RAB24: variants seen among roughly 807,000 people sequenced by gnomAD.
RAB24 encodes the protein RAB24, member RAS oncogene family.
In RAB24, 9 loss-of-function variants were observed where a neutral mutation model predicts 31.4. The ratio of observed to expected loss-of-function variants is 0.29; its 90% CI spans 0.17 to 0.50. RAB24 has a LOEUF of 0.50. RAB24 is among the 20% of genes least tolerant of loss of function. The probability of loss-of-function intolerance (pLI) is 0.98; values close to 1 mark genes in which losing one functional copy is unlikely to be tolerated. For synonymous variants in RAB24, 106 were observed against 94.1 expected, an observed-to-expected ratio of 1.13 and a Z score of -0.73; for missense variants, 197 against 265.2, an observed-to-expected ratio of 0.74 and a Z score of 1.79.
chr5:177,303,002 G>T lies in RAB24; in HGVS notation c.186+7C>A, dbSNP rs1025200826. 2 of 1,613,798 alleles carry T rather than the reference G, an allele frequency of 1.2e-6. No individual in the cohort carries two copies. The highest frequency in any genetic ancestry group is 1.6e-4 in the Middle Eastern group (1 of 6,084). Reference sequence around the variant, plus strand: ...GTCTCCCAAGAATAGATGGCCGGGGGACTTACCCAAATACCTAATGTCACA... The same window carrying T: ...GTCTCCCAAGAATAGATGGCCGGGGTACTTACCCAAATACCTAATGTCACA... On this transcript the variant is annotated splice_region_variant and intron_variant, in intron 2 of 7. Coordinates refer to ENST00000303251, the MANE Select transcript of RAB24 (RefSeq NM_001031677.4). This position sits in a 1 kb window ranked among gnomAD's most constrained non-coding sequence, Gnocchi z 6.1.
chr5:177,301,658 A>G lies in RAB24; in HGVS notation c.*85T>C. Reference sequence around the variant, plus strand: ...CATGAGGACCTGGGGTAGCTCAGACATTTGACTACCCAAGCCCAGAAAGGA... The same window carrying G: ...CATGAGGACCTGGGGTAGCTCAGACGTTTGACTACCCAAGCCCAGAAAGGA... On this transcript the variant is annotated 3_prime_UTR_variant, in exon 8 of 8. Transcript: ENST00000303251. The G allele has an allele frequency of 6.7e-7, 1 of 1,499,452 alleles. No individual in the cohort carries two copies. The allele number at this position is 1,499,452 out of a possible 1,614,324, so 92.9% of individuals were successfully genotyped here.
At chr5:177,302,215 A>T (rs566101075) in intron 5 of RAB24, 37 bp from the exon 6 acceptor site, 3 of 1,609,676 alleles carry the variant, frequency 1.9e-6, no homozygotes, top group African/African-American at 2.7e-5. Context: ...ATACCTGAGA[A>T]TTAGATAAAC....
chr5:177,303,159 C>T lies in RAB24; in HGVS notation c.117+13G>A, dbSNP rs1244373763. ...CCCCGCCCACCGTGCCTGGCCCCTCCGGATGCACTCACGTTCTGATAAGGC... is the reference window on the plus strand; with the variant it reads ...CCCCGCCCACCGTGCCTGGCCCCTCTGGATGCACTCACGTTCTGATAAGGC... On this transcript the variant is annotated intron_variant, in intron 1 of 7. Transcript: ENST00000303251. This position sits in a 1 kb window ranked among gnomAD's most constrained non-coding sequence, Gnocchi z 6.1. The T allele has an allele frequency of 6.2e-7, 1 of 1,613,590 alleles. No homozygotes were observed. Among genetic ancestry groups the T allele is most frequent in the Non-Finnish European group, 8.5e-7 (1 of 1,179,914 alleles).
chr5:177,302,162 G>T lies in RAB24; in HGVS notation c.450C>A (p.Leu150=), dbSNP rs763501031. ...QDYADNIKAQ[L]FETSSKTGQS... ...GGCCTGTCTTGCTGGATGTTTCAAA[G>T]AGCTGAGCTTTGATATCTGTAAAGA... The change falls in exon 6 of 8, where the codon CTC becomes CTA. Residue 150 remains leucine, a synonymous_variant. Coordinates refer to ENST00000303251, the MANE Select transcript of RAB24 (RefSeq NM_001031677.4). 3 of 1,614,208 alleles carry T rather than the reference G, an allele frequency of 1.9e-6. No individual in the cohort carries two copies. The South Asian group carries it at 3.3e-5, about 18-fold the overall frequency.
intron 5 of RAB24, 98 bp from the exon 6 acceptor site, chr5:177,302,276 C>T: frequency 1.3e-6 from 2 of 1,563,588 alleles, no homozygotes; most frequent in Non-Finnish European, 1.8e-6. Flanking sequence ...CCCCACAGTT[C>T]AAGGAGGCCA....
chr5:177,301,700 A>T lies in RAB24; in HGVS notation c.*43T>A. ...CAGAAAGGAGCTGGGTCCAGCCCTTACGGGGAATTCCTTTAATTCCCCCAG... is the reference window on the plus strand; with the variant it reads ...CAGAAAGGAGCTGGGTCCAGCCCTTTCGGGGAATTCCTTTAATTCCCCCAG... On this transcript the variant is annotated 3_prime_UTR_variant, in exon 8 of 8. Transcript: ENST00000303251. 6.2e-7 allele frequency: 1 copy of T among 1,603,432 alleles called. No homozygotes were observed. The highest frequency in any genetic ancestry group is 8.5e-7 in the Non-Finnish European group (1 of 1,170,386).
chr5:177,302,740 C>A lies in RAB24; in HGVS notation c.265+12G>T, dbSNP rs763035123. 4 of 1,553,336 alleles carry A rather than the reference C, an allele frequency of 2.6e-6. No individual in the cohort carries two copies. The highest frequency in any genetic ancestry group is 1.1e-5 in the South Asian group (1 of 89,606). ...TTTCTTGTGAGACAGCCCAAACCCC[C>A]CCCCCCCTTACCATAGCAGACGATG... On this transcript the variant is annotated intron_variant, in intron 3 of 7. Transcript: ENST00000303251.
At chr5:177,302,360 C>A in intron 5 of RAB24, 37 bp downstream of exon 5, 1 of 1,608,936 alleles carries the variant, frequency 6.2e-7, no homozygotes, top group Non-Finnish European at 8.5e-7. Context: ...CAGACAGCCA[C>A]ACACCCCCAC....
At position 177,301,646 on chromosome 5, in the gene RAB24, G is replaced by A. The variant is rs1459268884; in HGVS notation, c.*97C>T. ...CCACTCTGCTGACATGAGGACCTGG[G>A]GTAGCTCAGACATTTGACTACCCAA... On this transcript the variant is annotated 3_prime_UTR_variant, in exon 8 of 8. Transcript: ENST00000303251. 2.2e-6 allele frequency: 3 copies of A among 1,387,670 alleles called. No homozygotes were observed. The highest frequency in any genetic ancestry group is 3.1e-6 in the Non-Finnish European group (3 of 981,180). The allele number at this position is 1,387,670 out of a possible 1,614,324, so 86.0% of individuals were successfully genotyped here.
Position 177,302,461 on chromosome 5 carries a change from G to A in RAB24, c.369C>T (p.Asp123=). ...CQIYLCGTKS[D]LLEEDRRRRR... ...GACGCCTCCGGTCTTCTTCCAGCAG[G>A]TCACTCTTGGTGCCACATAAGTAGA... is the stretch of plus-strand genomic sequence containing the variant. The change falls in exon 5 of 8, where the codon GAC becomes GAT. Residue 123 remains aspartate, a synonymous_variant. Coordinates refer to ENST00000303251, the MANE Select transcript of RAB24 (RefSeq NM_001031677.4). The A allele has an allele frequency of 6.2e-7, 1 of 1,613,848 alleles. No homozygotes were observed. The highest frequency in any genetic ancestry group is 1.3e-5 in the African/African-American group (1 of 75,028).
intron 4 of RAB24, 28 bp downstream of exon 4, chr5:177,302,549 A>G (rs138711072): frequency 3.7e-6 from 6 of 1,614,030 alleles, no homozygotes; most frequent in Middle Eastern, 1.6e-4. Context: ...CCCAGCCCCT[A>G]GTGTTCTAGT....
In RAB24 at chr5:177,303,141, C is replaced by T. The variant is rs1329990457; in HGVS notation, c.117+31G>A. The T allele has an allele frequency of 1.9e-6, 3 of 1,613,434 alleles. No homozygotes were observed. Among genetic ancestry groups the T allele is most frequent in the Non-Finnish European group, 2.5e-6 (3 of 1,179,738 alleles). On this transcript the variant is annotated intron_variant, in intron 1 of 7. Transcript: ENST00000303251. The surrounding 1 kb of genome is among the most constrained non-coding windows in gnomAD (Gnocchi z 6.1). ...ATTACCGGCCCCCCACTCCCCCGCC[C>T]ACCGTGCCTGGCCCCTCCGGATGCA...
At chr5:177,302,097 T>C in intron 6 of RAB24, 31 bp downstream of exon 6, 1 of 1,613,598 alleles carries the variant, frequency 6.2e-7, no homozygotes, top group Non-Finnish European at 8.5e-7. Context: ...CCCTGCATGT[T>C]CCTGCTGTGA....
intron 7 of RAB24, 26 bp from the exon 8 acceptor site, chr5:177,301,833 A>G (rs1490285975): frequency 6.2e-7 from 1 of 1,614,140 alleles, no homozygotes; most frequent in Non-Finnish European, 8.5e-7. Flanking sequence ...GTGGCAGCTC[A>G]GCACCATTCT....
intron 5 of RAB24, 93 bp from the exon 6 acceptor site, chr5:177,302,271 C>T: frequency 1.3e-6 from 2 of 1,560,758 alleles, no homozygotes; most frequent in Non-Finnish European, 1.8e-6. Context: ...CTGGACCCCA[C>T]AGTTCAAGGA....
Position 177,301,621 on chromosome 5 carries a change from C to G in RAB24, c.*122G>C. 1.8e-6 allele frequency: 2 copies of G among 1,118,852 alleles called. No individual in the cohort carries two copies. Among genetic ancestry groups the G allele is most frequent in the East Asian group, 4.8e-5 (2 of 41,500 alleles). The allele number at this position is 1,118,852 out of a possible 1,614,324, so 69.3% of individuals were successfully genotyped here. A position where few individuals can be genotyped will look rare whatever the true frequency, so the allele number is the denominator to read the frequency against. ...TTCCATGGGCCAGCACAGGCAGGCG[C>G]CACTCTGCTGACATGAGGACCTGGG... On this transcript the variant is annotated 3_prime_UTR_variant, in exon 8 of 8. Transcript: ENST00000303251.
At position 177,302,398 on chromosome 5, in the gene RAB24, G is replaced by C; in HGVS notation, c.432C>G (p.Asp144Glu). Residue 144 changes from aspartate (D) to glutamate (E), a missense_variant and splice_region_variant, in exon 5 of 8, where the codon GAC becomes GAG. By Grantham distance (45) the Asp-to-Glu change is conservative (BLOSUM62 2). Transcript: ENST00000303251. Reference sequence around the variant, plus strand: ...CCCAAAGGGCTGAGGAGCAGCTACTGTCTGCATAGTCCTGGACGTCGTGGA... The same window carrying C: ...CCCAAAGGGCTGAGGAGCAGCTACTCTCTGCATAGTCCTGGACGTCGTGGA... ...VDFHDVQDYA[D>E]NIKAQLFETS... 1 of 1,613,182 alleles carries C rather than the reference G, an allele frequency of 6.2e-7. No individual in the cohort carries two copies. Among genetic ancestry groups the C allele is most frequent in the Non-Finnish European group, 8.5e-7 (1 of 1,179,940 alleles).
In RAB24 at chr5:177,301,493, A is replaced by T. The variant is rs1760645522; in HGVS notation, c.*250T>A. ...TGATTTTATTTACAGATCAAAAGCC[A>T]CTTAAATAATCTGCAGACACAAGTG... On this transcript the variant is annotated 3_prime_UTR_variant, in exon 8 of 8. Coordinates refer to ENST00000303251, the MANE Select transcript of RAB24 (RefSeq NM_001031677.4). The T allele has an allele frequency of 1.8e-6, 1 of 561,532 alleles. No individual in the cohort carries two copies. Among genetic ancestry groups the T allele is most frequent in the Non-Finnish European group, 3.2e-6 (1 of 313,586 alleles). 34.8% of individuals were successfully genotyped at this position (561,532 alleles called of 1,614,324 possible).
Position 177,301,732 on chromosome 5 carries a change from T to G in RAB24, c.*11A>C. 6.2e-7 allele frequency: 1 copy of G among 1,614,054 alleles called. No individual in the cohort carries two copies. Among genetic ancestry groups the G allele is most frequent in the Non-Finnish European group, 8.5e-7 (1 of 1,179,920 alleles). ...ATTCCTTTAATTCCCCCAGGCCAGG[T>G]GAGTGCTGACTCAGTGATGACAACA... On this transcript the variant is annotated 3_prime_UTR_variant, in exon 8 of 8. Transcript: ENST00000303251.
Sources: gnomAD v4.1 joint callset for allele counts on GRCh38, gnomAD v4.1.1 for gene constraint, Gnocchi (gnomAD v3.1) non-coding constraint, MANE v1.5 for transcripts, NCBI Gene and HGNC (gene_info 2026-07-23, HGNC 2026-07-21) for gene names.